Variants in TENM3 observed in about 807,000 individuals in gnomAD.
The protein encoded by TENM3 is teneurin transmembrane protein 3.
Under a neutral mutation model 255.1 loss-of-function variants are expected in TENM3, and 63 were observed. The ratio of observed to expected loss-of-function variants is 0.25; its 90% CI spans 0.20 to 0.30. The LOEUF is 0.30. Ranked by LOEUF, TENM3 falls within the 10% of genes least tolerant of loss-of-function variation. TENM3 has a pLI of 1.00. For synonymous variants in TENM3, 1,306 were observed against 1,322.3 expected (o/e 0.99, Z 0.27); for missense variants, 2,929 against 3,461.1 (o/e 0.85, Z 3.86).
chr4:182,692,164 G>A (rs1447301829), intron 12 of TENM3, among the ~76,000 whole-genome samples: 1 of 152,200 alleles, frequency 6.6e-6, no homozygotes, highest in African/African-American at 2.4e-5. Context: ...AGAGAAATTG[G>A]GCTTCTTCTT....
At chr4:181,965,192 T>C in the TENM3 span, among the ~76,000 whole-genome samples, 1 of 152,198 alleles carries the variant, frequency 6.6e-6, no homozygotes, top group Non-Finnish European at 1.5e-5. Flanking sequence ...GAAGAGACAA[T>C]TAACTTCCTC....
chr4:182,084,237 T>C, the TENM3 span, among the ~76,000 whole-genome samples: 1 of 152,146 alleles, frequency 6.6e-6, no homozygotes, highest in African/African-American at 2.4e-5. Flanking sequence ...ATTTAGAGAA[T>C]TAATTCTCAT....
intron 1 of TENM3, among the ~76,000 whole-genome samples, chr4:182,227,910 G>A (rs763611705): frequency 7.9e-5 from 12 of 152,006 alleles, no homozygotes; most frequent in Non-Finnish European, 1.5e-4. Context: ...AGAGGGACCC[G>A]CTGACTTGGA....
chr4:182,355,310 C>T (rs1311588973), intron 3 of TENM3, among the ~76,000 whole-genome samples: 4 of 152,072 alleles, frequency 2.6e-5, no homozygotes, highest in Admixed American at 2.6e-4. Flanking sequence ...AAAAGTAGCC[C>T]CCGAGCAAAG....
At chr4:181,688,418 G>T in the TENM3 span, among the ~76,000 whole-genome samples, 1 of 152,094 alleles carries the variant, frequency 6.6e-6, no homozygotes, top group Non-Finnish European at 1.5e-5. Flanking sequence ...TTTTGTGTAA[G>T]TCGTATCTTC....
At chr4:182,501,280 A>G (rs1256627522) in intron 3 of TENM3, among the ~76,000 whole-genome samples, 2 of 151,864 alleles carry the variant, frequency 1.3e-5, no homozygotes, top group Non-Finnish European at 2.9e-5. Context: ...CAATCCATAA[A>G]CAGGCAATAA....
intron 3 of TENM3, among the ~76,000 whole-genome samples, chr4:182,440,114 C>CTT (rs5864784): frequency 0.33 from 41,330 of 126,740 alleles, 7,736 homozygotes; most frequent in Admixed American, 0.42. Context: ...TGGTGGGCAC[C>CTT]TTTTTTTTTT....
At chr4:182,208,685 T>A (rs1008027792) in intron 1 of TENM3, among the ~76,000 whole-genome samples, 3 of 152,116 alleles carry the variant, frequency 2.0e-5, no homozygotes, top group African/African-American at 4.8e-5. Flanking sequence ...CAGGCTGGAT[T>A]TGGCCCACAG....
intron 3 of TENM3, among the ~76,000 whole-genome samples, chr4:182,369,943 G>T (rs187993835): frequency 6.6e-6 from 1 of 152,258 alleles, no homozygotes; most frequent in Admixed American, 6.5e-5. Flanking sequence ...TTGATGAGAA[G>T]ATAAGAGATC....
chr4:181,855,617 A>G, the TENM3 span, among the ~76,000 whole-genome samples: 3 of 152,190 alleles, frequency 2.0e-5, no homozygotes, highest in Non-Finnish European at 4.4e-5. Context: ...GGGCAGATCT[A>G]TTTGAACTTA....
At chr4:182,003,337 T>A in the TENM3 span, among the ~76,000 whole-genome samples, 2 of 152,074 alleles carry the variant, frequency 1.3e-5, no homozygotes, top group Non-Finnish European at 2.9e-5. Context: ...GTGCAACCAG[T>A]GTTTCTTTCC....
chr4:182,428,010 T>G (rs1433100620), intron 3 of TENM3, among the ~76,000 whole-genome samples: 1 of 152,110 alleles, frequency 6.6e-6, no homozygotes, highest in East Asian at 1.9e-4. Context: ...TGTGATTATT[T>G]AAAACATTTC....
the TENM3 span, among the ~76,000 whole-genome samples, chr4:182,125,100 GCGCA>G: frequency 7.4e-6 from 1 of 135,876 alleles, no homozygotes; most frequent in Non-Finnish European, 1.6e-5. Flanking sequence ...CCATTGCCCA[GCGCA>G]TCCACGCTGT....
intron 1 of TENM3, among the ~76,000 whole-genome samples, chr4:182,185,081 C>CA (rs35344065): frequency 0.21 from 31,080 of 149,626 alleles, 3,698 homozygotes; most frequent in Middle Eastern, 0.31. Flanking sequence ...AAAACTCTGT[C>CA]AAAAAAAAAA....
the TENM3 span, among the ~76,000 whole-genome samples, chr4:182,047,783 T>C: frequency 6.6e-6 from 1 of 152,118 alleles, no homozygotes; most frequent in African/African-American, 2.4e-5. Flanking sequence ...TATGTATATG[T>C]CTAAACTGAG....
intron 7 of TENM3, among the ~76,000 whole-genome samples, chr4:182,676,367 G>A (rs1267213187): frequency 6.6e-6 from 1 of 152,188 alleles, no homozygotes; most frequent in Non-Finnish European, 1.5e-5. Flanking sequence ...ATAGGAGTTG[G>A]AAGCCTGAGT....
At chr4:181,670,495 G>T in the TENM3 span, among the ~76,000 whole-genome samples, 1 of 151,846 alleles carries the variant, frequency 6.6e-6, no homozygotes, top group Non-Finnish European at 1.5e-5. Context: ...TAGAAAAAAA[G>T]GCAGTGAATC....
chr4:182,622,675 A>G (rs1307543319), intron 4 of TENM3, among the ~76,000 whole-genome samples: 1 of 152,170 alleles, frequency 6.6e-6, no homozygotes, highest in Non-Finnish European at 1.5e-5. Flanking sequence ...GCTATTTTAT[A>G]TATTATATGA....
the TENM3 span, among the ~76,000 whole-genome samples, chr4:181,710,510 G>T: frequency 9.9e-5 from 15 of 152,044 alleles, no homozygotes; most frequent in Non-Finnish European, 1.9e-4. Context: ...AAGGTCAAGA[G>T]ATCAAGACCA....
Sources: allele counts gnomAD v4.1 joint callset (sites outside exome capture counted in the v4.1 genomes callset), GRCh38; gene constraint gnomAD v4.1.1; transcripts MANE v1.5; gene names NCBI Gene and HGNC (gene_info 2026-07-23, HGNC 2026-07-21).